DMXL1: variants seen among roughly 807,000 people sequenced by gnomAD.
DMXL1 encodes Dmx like 1, also known as dmX-like protein 1.
DMXL1 carries 99 observed loss-of-function variants against 319.2 expected under a neutral mutation model. That is an observed-to-expected ratio of 0.31 (90% CI 0.26 to 0.37). DMXL1 has a LOEUF of 0.37. DMXL1 is among the 10% of genes least tolerant of loss of function. The pLI, the probability that DMXL1 is intolerant of heterozygous loss-of-function variation, is 1.00. For synonymous variants in DMXL1, 1,385 were observed against 1,235.2 expected (o/e 1.12, Z -2.54); for missense variants, 3,745 against 3,595.6 (o/e 1.04, Z -1.06).
intron 34 of DMXL1, among the ~76,000 whole-genome samples, chr5:119,207,552 T>C (rs1006249809): frequency 6.6e-5 from 10 of 152,218 alleles, no homozygotes; most frequent in Non-Finnish European, 4.4e-5. Context: ...GGAGTTTCGC[T>C]CTTTTGCCCA....
At chr5:119,244,814 T>C (rs1263187378) in intron 43 of DMXL1, among the ~76,000 whole-genome samples, 1 of 152,228 alleles carries the variant, frequency 6.6e-6, no homozygotes, top group Non-Finnish European at 1.5e-5. Flanking sequence ...TTTCCATGAA[T>C]ATAAACATAA....
chr5:119,234,896 A>G (rs1194253618), intron 39 of DMXL1, among the ~76,000 whole-genome samples: 1 of 152,140 alleles, frequency 6.6e-6, no homozygotes, highest in Non-Finnish European at 1.5e-5. Flanking sequence ...CAAGTATTTA[A>G]GACCTTCTAT....
chr5:119,110,825 T>A (rs1176739817), intron 5 of DMXL1, among the ~76,000 whole-genome samples: 1 of 152,144 alleles, frequency 6.6e-6, no homozygotes. Context: ...CAGATTAGGA[T>A]CCAGGATTAG....
intron 19 of DMXL1, among the ~76,000 whole-genome samples, chr5:119,161,060 T>C (rs1772159214): frequency 6.6e-6 from 1 of 152,218 alleles, no homozygotes; most frequent in Non-Finnish European, 1.5e-5. Flanking sequence ...GTGTATTTGC[T>C]TTGGGGTCTG....
intron 1 of DMXL1, among the ~76,000 whole-genome samples, chr5:119,083,161 T>C (rs113283666): frequency 0.059 from 9,029 of 151,994 alleles, 881 homozygotes; most frequent in African/African-American, 0.21. Context: ...CAGGCATGTG[T>C]CACCATGCCT....
At chr5:119,113,542 A>G (rs1453865881) in intron 5 of DMXL1, among the ~76,000 whole-genome samples, 1 of 152,190 alleles carries the variant, frequency 6.6e-6, no homozygotes, top group Non-Finnish European at 1.5e-5. Flanking sequence ...TGCCCAGCCC[A>G]TGACATATTT....
At chr5:119,186,709 A>G (rs545885498) in intron 28 of DMXL1, among the ~76,000 whole-genome samples, 18 of 152,236 alleles carry the variant, frequency 1.2e-4, no homozygotes, top group African/African-American at 4.3e-4. Context: ...CCCCTTCCCT[A>G]TGTGTAGCCT....
intron 43 of DMXL1, among the ~76,000 whole-genome samples, chr5:119,246,504 C>T (rs1298991336): frequency 6.6e-6 from 1 of 152,130 alleles, no homozygotes; most frequent in Non-Finnish European, 1.5e-5. Flanking sequence ...TAGATTACAA[C>T]ACTCTATACA....
chr5:119,082,820 A>G (rs1752531901), intron 1 of DMXL1, among the ~76,000 whole-genome samples: 1 of 152,202 alleles, frequency 6.6e-6, no homozygotes. Flanking sequence ...TATGACTTCC[A>G]TCAAACCGTT....
At chr5:119,141,289 T>C (rs908927961) in intron 13 of DMXL1, among the ~76,000 whole-genome samples, 1 of 152,122 alleles carries the variant, frequency 6.6e-6, no homozygotes, top group African/African-American at 2.4e-5. Context: ...GGCATCTAAA[T>C]AGGAAGAGAG....
At chr5:119,141,670 C>T (rs1298187453) in intron 13 of DMXL1, among the ~76,000 whole-genome samples, 3 of 152,078 alleles carry the variant, frequency 2.0e-5, no homozygotes, top group Non-Finnish European at 4.4e-5. Context: ...TTAAAATGAC[C>T]ATACTGCCCA....
chr5:119,178,517 C>G, intron 28 of DMXL1: 1 of 657,224 alleles, frequency 1.5e-6, no homozygotes, highest in Non-Finnish European at 1.9e-6. Flanking sequence ...TTGAAACACA[C>G]TGTAATATTG....
rs3836826 is a variant in DMXL1 at position 119,196,703 on chromosome 5, CTATT to C, written c.7543+251_7543+254del. Among the ~76,000 whole-genome samples, 25 of 152,092 alleles carry C rather than the reference CTATT, an allele frequency of 1.6e-4. No homozygotes were observed. In the East Asian group the frequency reaches 3.9e-3, roughly 24 times the overall value. ...TGATGTGATTGACTGTCTTGAGACT[CTATT>C]TATACTCTAGCCAAGTGTTGAGGGA... On this transcript the variant is annotated intron_variant, in intron 31 of 43. Transcript: ENST00000539542.
At chr5:119,082,069 A>G (rs1023153162) in intron 1 of DMXL1, among the ~76,000 whole-genome samples, 1 of 149,996 alleles carries the variant, frequency 6.7e-6, no homozygotes, top group Non-Finnish European at 1.5e-5. Context: ...ACACGTATAT[A>G]CATGTTCTTA....
intron 19 of DMXL1, among the ~76,000 whole-genome samples, chr5:119,160,898 C>T (rs1421872581): frequency 6.6e-6 from 1 of 151,706 alleles, no homozygotes; most frequent in Admixed American, 6.6e-5. Context: ...TTTAATTTTC[C>T]TCTATATATT....
chr5:119,128,597 A>G (rs1764116704), intron 9 of DMXL1, among the ~76,000 whole-genome samples: 1 of 152,214 alleles, frequency 6.6e-6, no homozygotes, highest in Non-Finnish European at 1.5e-5. Context: ...GGTAAACTGT[A>G]GACGTTGGGT....
chr5:119,168,518 GTCT>G (rs1445755987), intron 23 of DMXL1, among the ~76,000 whole-genome samples: 1 of 152,180 alleles, frequency 6.6e-6, no homozygotes, highest in Non-Finnish European at 1.5e-5. Context: ...TTGGAAAAGG[GTCT>G]AGTTCATAGA....
intron 37 of DMXL1, among the ~76,000 whole-genome samples, chr5:119,222,059 T>C (rs2150588017): frequency 6.6e-6 from 1 of 152,282 alleles, no homozygotes; most frequent in African/African-American, 2.4e-5. Context: ...AAAAAATTAT[T>C]TTTCATTAAT....
At chr5:119,110,900 T>G (rs1158332428) in intron 5 of DMXL1, among the ~76,000 whole-genome samples, 2 of 152,206 alleles carry the variant, frequency 1.3e-5, no homozygotes, top group Non-Finnish European at 2.9e-5. Flanking sequence ...GCAATTCTCC[T>G]GCCTCAGCCT....
Sources: gnomAD v4.1 joint callset for allele counts (sites outside exome capture counted in the v4.1 genomes callset) on GRCh38, gnomAD v4.1.1 for gene constraint, MANE v1.5 for transcripts, NCBI Gene and HGNC (gene_info 2026-07-23, HGNC 2026-07-21) for gene names.